BTBD9: variants seen among roughly 807,000 people sequenced by gnomAD.
BTBD9 encodes BTB/POZ domain-containing protein 9.
In BTBD9, 49 loss-of-function variants were observed where a neutral mutation model predicts 64.3. That is an observed-to-expected ratio of 0.76 (90% CI 0.61 to 0.97). The LOEUF is 0.97. Ranked by LOEUF, BTBD9 falls within the 50% of genes least tolerant of loss-of-function variation. The probability of loss-of-function intolerance (pLI) is 0.00; values close to 1 mark genes in which losing one functional copy is unlikely to be tolerated. For missense variants in BTBD9, 598 were observed against 762.1 expected, an observed-to-expected ratio of 0.78 and a Z score of 2.53; for synonymous variants, 260 against 274.7, an observed-to-expected ratio of 0.95 and a Z score of 0.53.
intron 6 of BTBD9, among the ~76,000 whole-genome samples, chr6:38,389,028 C>T (rs2127620777): frequency 6.6e-6 from 1 of 152,186 alleles, no homozygotes; most frequent in Middle Eastern, 3.4e-3. Flanking sequence ...ATGTAATGTA[C>T]CAAACTCTCT....
At chr6:38,495,313 A>T (rs916922618) in intron 6 of BTBD9, among the ~76,000 whole-genome samples, 5 of 152,220 alleles carry the variant, frequency 3.3e-5, no homozygotes, top group Non-Finnish European at 5.9e-5. Context: ...TGACTGCCTG[A>T]AACTCACACG....
intron 10 of BTBD9, among the ~76,000 whole-genome samples, chr6:38,185,548 T>C (rs868107745): frequency 6.6e-6 from 1 of 152,154 alleles, no homozygotes; most frequent in African/African-American, 2.4e-5. Flanking sequence ...TGGGTTGATC[T>C]CGTACAAATT....
At chr6:38,423,510 G>A (rs768566430) in intron 6 of BTBD9, among the ~76,000 whole-genome samples, 1 of 151,962 alleles carries the variant, frequency 6.6e-6, no homozygotes, top group Non-Finnish European at 1.5e-5. Flanking sequence ...TCACTATATT[G>A]CCCAGGGTGG....
Position 38,206,580 on chromosome 6 carries a change from A to T in BTBD9, c.1563-13983T>A, listed in dbSNP as rs531076902. On this transcript the variant is annotated intron_variant, in intron 9 of 10. Coordinates refer to ENST00000481247, the MANE Select transcript of BTBD9 (RefSeq NM_001099272.2). ...GGGAAAACAAATGATAAAAAAAAAA[A>T]GGTGATCATAGTACACTACATGGCT... is the stretch of plus-strand genomic sequence containing the variant. 2.6e-5 allele frequency among the ~76,000 whole-genome samples: 4 copies of T among 152,132 alleles called. No homozygotes were observed. In the East Asian group the frequency reaches 7.7e-4, roughly 29 times the overall value.
intron 10 of BTBD9, among the ~76,000 whole-genome samples, chr6:38,177,127 G>T (rs770574661): frequency 6.6e-6 from 1 of 152,124 alleles, no homozygotes; most frequent in Non-Finnish European, 1.5e-5. Flanking sequence ...TTCTTTAATT[G>T]GTTATTTGTG....
At chr6:38,468,738 A>G (rs1770507029) in intron 6 of BTBD9, among the ~76,000 whole-genome samples, 1 of 152,214 alleles carries the variant, frequency 6.6e-6, no homozygotes, top group African/African-American at 2.4e-5. Context: ...ATACCCAGAA[A>G]AGATACTCAA....
intron 6 of BTBD9, among the ~76,000 whole-genome samples, chr6:38,474,541 C>T (rs765575031): frequency 4.6e-5 from 7 of 150,842 alleles, no homozygotes; most frequent in South Asian, 4.2e-4. Flanking sequence ...AAAAACAGAA[C>T]GGAAAAGAAA....
At chr6:38,628,204 A>C (rs1778235061) in intron 1 of BTBD9, among the ~76,000 whole-genome samples, 1 of 152,200 alleles carries the variant, frequency 6.6e-6, no homozygotes, top group Non-Finnish European at 1.5e-5. Context: ...ACAATAAATA[A>C]AATGAAAAAT....
chr6:38,439,110 C>CTTTTTTTTTTTTTTTTTTTTTTTTTTT, intron 6 of BTBD9, among the ~76,000 whole-genome samples: 1 of 64,052 alleles, frequency 1.6e-5, no homozygotes, highest in Admixed American at 2.0e-4. Flanking sequence ...TAGCAACTGA[C>CTTTTTTTTTTTTTTTTTTTTTTTTTTT]TTTTTTTTTT....
chr6:38,404,454 T>C (rs1437880472), intron 6 of BTBD9, among the ~76,000 whole-genome samples: 1 of 152,100 alleles, frequency 6.6e-6, no homozygotes, highest in Non-Finnish European at 1.5e-5. Flanking sequence ...CTGGCACAGT[T>C]CCAAAACAGA....
At chr6:38,375,890 G>A (rs867851755) in intron 6 of BTBD9, among the ~76,000 whole-genome samples, 3 of 50,288 alleles carry the variant, frequency 6.0e-5, no homozygotes, top group South Asian at 4.6e-4. Flanking sequence ...AAGAAAGAAA[G>A]AAAAGAAAGA....
chr6:38,350,902 A>G (rs1312532953), intron 6 of BTBD9, among the ~76,000 whole-genome samples: 1 of 152,224 alleles, frequency 6.6e-6, no homozygotes, highest in Non-Finnish European at 1.5e-5. Flanking sequence ...CTAAGATTAT[A>G]CACAAATAAT....
rs547885435 is a variant in BTBD9 at position 38,222,422 on chromosome 6, A to G, written c.1563-29825T>C. Reference sequence around the variant, plus strand: ...ACTACAGGTGCCCGCCACCATGCCCATCTAATTTTTGTATTTTTAGTAGAG... The same window carrying G: ...ACTACAGGTGCCCGCCACCATGCCCGTCTAATTTTTGTATTTTTAGTAGAG... On this transcript the variant is annotated intron_variant, in intron 9 of 10. Coordinates refer to ENST00000481247, the MANE Select transcript of BTBD9 (RefSeq NM_001099272.2). 3.9e-3 allele frequency among the ~76,000 whole-genome samples: 592 copies of G among 151,696 alleles called. 3 individuals are homozygous for G. The highest frequency in any genetic ancestry group is 0.013 in the African/African-American group (552 of 41,318).
intron 1 of BTBD9, among the ~76,000 whole-genome samples, chr6:38,611,748 T>C (rs1314915936): frequency 6.6e-6 from 1 of 152,190 alleles, no homozygotes; most frequent in Non-Finnish European, 1.5e-5. Context: ...TCATCAAATA[T>C]TTTCATTAGG....
chr6:38,622,453 C>T (rs1269880695), intron 1 of BTBD9, among the ~76,000 whole-genome samples: 1 of 152,128 alleles, frequency 6.6e-6, no homozygotes, highest in Non-Finnish European at 1.5e-5. Flanking sequence ...GCTTTTAAAG[C>T]CACAGTAACT....
intron 6 of BTBD9, among the ~76,000 whole-genome samples, chr6:38,460,666 G>A (rs1398082674): frequency 6.6e-5 from 10 of 151,818 alleles, no homozygotes; most frequent in Admixed American, 1.3e-4. Flanking sequence ...CTCTGTCACC[G>A]AGGCTGGAGT....
intron 9 of BTBD9, among the ~76,000 whole-genome samples, chr6:38,199,451 C>T (rs546159398): frequency 6.6e-6 from 1 of 152,134 alleles, no homozygotes; most frequent in Non-Finnish European, 1.5e-5. Context: ...ATGGAATAAG[C>T]CCATTTTTAG....
chr6:38,489,298 T>A, intron 6 of BTBD9, among the ~76,000 whole-genome samples: 1 of 152,092 alleles, frequency 6.6e-6, no homozygotes, highest in Non-Finnish European at 1.5e-5. Context: ...AGACCCCATC[T>A]CTACAAAAAA....
At chr6:38,409,830 T>A (rs892639378) in intron 6 of BTBD9, among the ~76,000 whole-genome samples, 10 of 151,526 alleles carry the variant, frequency 6.6e-5, no homozygotes, top group Non-Finnish European at 1.2e-4. Flanking sequence ...TATCAAAAAA[T>A]AAATAAATAA....
Sources: gnomAD v4.1 joint callset for allele counts (sites outside exome capture counted in the v4.1 genomes callset) on GRCh38, gnomAD v4.1.1 for gene constraint, MANE v1.5 for transcripts, NCBI Gene and HGNC (gene_info 2026-07-23, HGNC 2026-07-21) for gene names.